Variants in TOPORS observed in about 807,000 individuals in gnomAD.
TOPORS encodes E3 ubiquitin-protein ligase Topors.
In TOPORS, 25 loss-of-function variants were observed where a neutral mutation model predicts 81.4. The observed-to-expected ratio is 0.31, with a 90% CI of 0.22 to 0.43. TOPORS has a LOEUF of 0.43. Ranked by LOEUF, TOPORS falls within the 20% of genes least tolerant of loss-of-function variation. The pLI, the probability that TOPORS is intolerant of heterozygous loss-of-function variation, is 1.00. For synonymous variants in TOPORS, 473 were observed against 456.6 expected (o/e 1.04, Z -0.46); for missense variants, 1,101 against 1,267.0 (o/e 0.87, Z 1.99).
chr9:32,545,059 G>A (rs1170465699), intron 2 of TOPORS, among the ~76,000 whole-genome samples: 1 of 152,154 alleles, frequency 6.6e-6, no homozygotes, highest in East Asian at 1.9e-4. Context: ...ACCTTAGAAA[G>A]CTAATTTTAA....
Position 32,547,999 on chromosome 9 carries a change from ATTTTTTTTT to A in TOPORS, c.198+2766_198+2774del, listed in dbSNP as rs747727912. On this transcript the variant is annotated intron_variant, in intron 2 of 2. Coordinates refer to ENST00000360538, the MANE Select transcript of TOPORS (RefSeq NM_005802.5). ...ACAGGCGCCCGCCACCACGCTCGGC[ATTTTTTTTT>A]TTTTTTTTTTTTTTTGTATTTTTAG... Among the ~76,000 whole-genome samples the A allele has an allele frequency of 4.7e-3, 395 of 83,714 alleles. 2 individuals carry two copies. Among genetic ancestry groups the A allele is most frequent in the African/African-American group, 0.019 (374 of 19,186 alleles). 54.9% of individuals were successfully genotyped at this position (83,714 alleles called of 152,430 possible). A position where few individuals can be genotyped will look rare whatever the true frequency, so the allele number is the denominator to read the frequency against.
rs1439363713 is a variant in TOPORS at position 32,552,398 on chromosome 9, C to A, written c.3+36G>T. Reference sequence around the variant, plus strand: ...GGAGGTTACTGTAAGGCCCGCAGCTCCCGCCAGCTCCCGCGGACTGCTGCC... The same window carrying A: ...GGAGGTTACTGTAAGGCCCGCAGCTACCGCCAGCTCCCGCGGACTGCTGCC... On this transcript the variant is annotated intron_variant, in intron 1 of 2. Coordinates refer to ENST00000360538, the MANE Select transcript of TOPORS (RefSeq NM_005802.5). 8 of 1,605,596 alleles carry A rather than the reference C, an allele frequency of 5.0e-6. No individual in the cohort carries two copies. In the South Asian group the frequency reaches 8.9e-5, roughly 18 times the overall value.
At chr9:32,551,463 C>T (rs1419654502) in intron 1 of TOPORS, 3 of 273,396 alleles carry the variant, frequency 1.1e-5, no homozygotes, top group Non-Finnish European at 2.2e-5. Flanking sequence ...GAGGGATCCC[C>T]TCCAGGCTGG....
intron 1 of TOPORS, chr9:32,551,873 C>T: frequency 2.4e-6 from 1 of 409,572 alleles, no homozygotes; most frequent in South Asian, 1.7e-5. Context: ...AAGAATGGCT[C>T]GATTTACAGG....
chr9:32,542,769 G>A lies in TOPORS; in HGVS notation c.1756C>T (p.Pro586Ser). 6.2e-7 allele frequency: 1 copy of A among 1,613,996 alleles called. No homozygotes were observed. Among genetic ancestry groups the A allele is most frequent in the Non-Finnish European group, 8.5e-7 (1 of 1,180,022 alleles). The change falls in exon 3 of 3, where the codon CCA (proline) becomes TCA (serine). Residue 586 changes from proline to serine, a missense_variant. Physicochemically the swap from Pro to Ser is moderately conservative, Grantham distance 74. This residue lies in a region of TOPORS where 605 missense variants were observed against 636.1 expected (regional missense o/e 0.95). Coordinates refer to ENST00000360538, the MANE Select transcript of TOPORS (RefSeq NM_005802.5). Reference sequence around the variant, plus strand: ...CTCTTTCTGTGTCTATGGTTATATGGAGAATATACTCTGTCTCCTCTTACA... The same window carrying A: ...CTCTTTCTGTGTCTATGGTTATATGAAGAATATACTCTGTCTCCTCTTACA... ...SSVRGDRVYS[P>S]YNHRHRKRGR... is the part of the protein sequence containing the mutation.
At chr9:32,550,634 T>C in intron 2 of TOPORS, 140 bp downstream of exon 2, 1 of 921,164 alleles carries the variant, frequency 1.1e-6, no homozygotes, top group Non-Finnish European at 1.6e-6. Context: ...TCGGGGGCCC[T>C]GGCCCTGGCC....
At position 32,541,518 on chromosome 9, in the gene TOPORS, T is replaced by C; in HGVS notation, c.3007A>G (p.Thr1003Ala). Residue 1003 changes from threonine (T) to alanine (A), a missense_variant, in exon 3 of 3, where the codon ACC becomes GCC. Thr to Ala is a moderately conservative substitution (Grantham distance 58). Around this residue, in one of 9 missense-constraint regions of TOPORS, gnomAD observed 605 missense variants for 636.1 expected, o/e 0.95. Transcript: ENST00000360538. ...EQTLDVREES[T>A]FVSDLENQPS... Reference sequence around the variant, plus strand: ...TGGTTCTCCAAATCAGAAACAAAGGTGCTCTCTTCTCTTACATCGAGAGTT... The same window carrying C: ...TGGTTCTCCAAATCAGAAACAAAGGCGCTCTCTTCTCTTACATCGAGAGTT... 6.2e-7 allele frequency: 1 copy of C among 1,614,176 alleles called. No individual in the cohort carries two copies. The highest frequency in any genetic ancestry group is 8.5e-7 in the Non-Finnish European group (1 of 1,180,012).
Position 32,541,967 on chromosome 9 carries a change from G to C in TOPORS, c.2558C>G (p.Thr853Arg), listed in dbSNP as rs1821069825. The C allele has an allele frequency of 6.2e-7, 1 of 1,613,100 alleles. No individual in the cohort carries two copies. Among genetic ancestry groups the C allele is most frequent in the Non-Finnish European group, 8.5e-7 (1 of 1,179,842 alleles). The change falls in exon 3 of 3, where the codon ACA becomes AGA. Residue 853 changes from threonine (T) to arginine (R), a missense_variant. Thr to Arg is a moderately conservative substitution (Grantham distance 71). Transcript: ENST00000360538. ...FSDSRSSDRE[T>R]KHKRRKRKTR... The stretch of plus-strand genomic sequence containing the variant: ...CTTCCTTTTTCTCCTTTTGTGTTTT[G>C]TCTCTCTGTCTGATGATCGGCTGTC...
intron 2 of TOPORS, among the ~76,000 whole-genome samples, chr9:32,545,930 C>G (rs999574676): frequency 6.6e-6 from 1 of 152,114 alleles, no homozygotes; most frequent in African/African-American, 2.4e-5. Context: ...CCTTAACAAA[C>G]TATAAGAAAA....
rs1319962569 is a variant in TOPORS, at chr9:32,544,038, G to C, written c.487C>G (p.Leu163Val). 1.2e-6 allele frequency: 2 copies of C among 1,614,138 alleles called. No individual in the cohort carries two copies. Among genetic ancestry groups the C allele is most frequent in the Non-Finnish European group, 8.5e-7 (1 of 1,180,030 alleles). ...AAAGAACCATTATACGAAGGCCTTA[G>C]GACATACTCCTTGAAGTCATCTTCT... ...RAEDDFKEYV[L>V]RPSYNGSFVT... The change falls in exon 3 of 3, where the codon CTA (leucine) becomes GTA (valine). Residue 163 changes from leucine (L) to valine (V), a missense_variant. Around this residue, in one of 9 missense-constraint regions of TOPORS, gnomAD observed 10 missense variants for 21.4 expected, o/e 0.47. Coordinates refer to ENST00000360538, the MANE Select transcript of TOPORS (RefSeq NM_005802.5).
At chr9:32,548,708 G>A (rs994057032) in intron 2 of TOPORS, among the ~76,000 whole-genome samples, 2 of 152,172 alleles carry the variant, frequency 1.3e-5, no homozygotes, top group Non-Finnish European at 2.9e-5. Flanking sequence ...GAGACAATCA[G>A]TTCTTCCAGT....
At chr9:32,546,061 G>T (rs953196037) in intron 2 of TOPORS, among the ~76,000 whole-genome samples, 1 of 152,184 alleles carries the variant, frequency 6.6e-6, no homozygotes, top group Admixed American at 6.5e-5. Flanking sequence ...TAACTTAATA[G>T]AGAATCAATT....
intron 2 of TOPORS, among the ~76,000 whole-genome samples, chr9:32,545,947 A>G (rs975237516): frequency 3.9e-5 from 6 of 152,208 alleles, no homozygotes; most frequent in African/African-American, 1.2e-4. Context: ...AAAAACCAAT[A>G]AACAAAACCC....
At chr9:32,551,283 C>T in intron 1 of TOPORS, 1 of 529,950 alleles carries the variant, frequency 1.9e-6, no homozygotes, top group Non-Finnish European at 3.4e-6. Context: ...TCGTTTCAAC[C>T]TTACCAAACT....
In TOPORS at chr9:32,541,336, C is replaced by T. The variant is rs1417858294; in HGVS notation, c.*51G>A. 2 of 1,585,400 alleles carry T rather than the reference C, an allele frequency of 1.3e-6. No individual in the cohort carries two copies. The highest frequency in any genetic ancestry group is 2.2e-5 in the South Asian group (2 of 89,708). On this transcript the variant is annotated 3_prime_UTR_variant, in exon 3 of 3. Transcript: ENST00000360538. ...ATAGACTGCAGTAGACGACATTCTT[C>T]CTTTTTCCTTTTTATAACATCATAA... is the stretch of plus-strand genomic sequence containing the variant.
rs188214434 is a variant in TOPORS at position 32,542,895 on chromosome 9, G to C, written c.1630C>G (p.Gln544Glu). 3 of 1,613,996 alleles carry C rather than the reference G, an allele frequency of 1.9e-6. No homozygotes were observed. Among genetic ancestry groups the C allele is most frequent in the Non-Finnish European group, 2.5e-6 (3 of 1,179,984 alleles). Residue 544 changes from glutamine to glutamate, a missense_variant, in exon 3 of 3, where the codon CAA becomes GAA. Around this residue, in one of 9 missense-constraint regions of TOPORS, gnomAD observed 605 missense variants for 636.1 expected, o/e 0.95. Transcript: ENST00000360538. Reference protein sequence around the residue: ...SPHSVLGKDEQINKGHCDSST... With the variant: ...SPHSVLGKDEEINKGHCDSST... ...GAATCACAATGACCTTTATTTATTT[G>C]TTCATCCTTTCCAAGGACAGAGTGT... is the stretch of plus-strand genomic sequence containing the variant.
At chr9:32,551,202 C>T (rs1381623691) in intron 1 of TOPORS, 11 of 611,552 alleles carry the variant, frequency 1.8e-5, no homozygotes, top group South Asian at 5.6e-5. Context: ...GTTACTGGTA[C>T]TCAGCCACTG....
chr9:32,550,743 C>T lies in TOPORS; in HGVS notation c.198+31G>A, dbSNP rs1298559462. The stretch of plus-strand genomic sequence containing the variant: ...GCCAACTCCCACGGCCCTTCCGACC[C>T]CCGCGTCCCATTGTTCCGAATCTCA... On this transcript the variant is annotated intron_variant, in intron 2 of 2. Transcript: ENST00000360538. 4 of 1,611,954 alleles carry T rather than the reference C, an allele frequency of 2.5e-6. No homozygotes were observed. In the East Asian group the frequency reaches 8.9e-5, roughly 36 times the overall value.
In TOPORS at chr9:32,543,499, T is replaced by C. The variant is rs1425116322; in HGVS notation, c.1026A>G (p.Pro342=). 19 of 1,613,864 alleles carry C rather than the reference T, an allele frequency of 1.2e-5. No individual in the cohort carries two copies. Among genetic ancestry groups the C allele is most frequent in the Non-Finnish European group, 1.5e-5 (18 of 1,179,992 alleles). The change falls in exon 3 of 3, where the codon CCA becomes CCG. Residue 342 remains proline (P), a synonymous_variant. Transcript: ENST00000360538. The surrounding 1 kb of genome is among the most constrained non-coding windows in gnomAD (Gnocchi z 5.6). ...ESQAFVSDLR[P]FLLNRTEHFI... The stretch of plus-strand genomic sequence containing the variant: ...AATGCTCAGTTCGATTAAGTAAAAA[T>C]GGTCTTAAATCAGACACAAATGCCT...
Sources: allele counts gnomAD v4.1 joint callset (sites outside exome capture counted in the v4.1 genomes callset), GRCh38; gene constraint gnomAD v4.1.1; regional missense constraint gnomAD v4.1.1; non-coding constraint Gnocchi (gnomAD v3.1); transcripts MANE v1.5; gene names NCBI Gene and HGNC (gene_info 2026-07-23, HGNC 2026-07-21).